The following FRK variants were observed in gnomAD, a reference collection of about 807,000 sequenced individuals.
FRK encodes the protein tyrosine-protein kinase FRK.
A neutral mutation model predicts 56.4 loss-of-function variants in FRK; 51 were observed. The observed-to-expected ratio is 0.90, with a 90% confidence interval of 0.72 to 1.14. The LOEUF is 1.14. Ranked by LOEUF, FRK falls within the 50% of genes most tolerant of loss-of-function variation. FRK has a pLI of 0.00. For missense variants in FRK, 570 were observed against 601.4 expected, an observed-to-expected ratio of 0.95 and a Z score of 0.55; for synonymous variants, 245 against 217.9, an observed-to-expected ratio of 1.12 and a Z score of -1.10.
intron 1 of FRK, among the ~76,000 whole-genome samples, chr6:116,037,871 C>T (rs1776547132): frequency 6.6e-6 from 1 of 152,176 alleles, no homozygotes; most frequent in African/African-American, 2.4e-5. Context: ...ACCTGGGTCT[C>T]ATTCAGGTAG....
At chr6:116,095,953 C>G in the FRK span, among the ~76,000 whole-genome samples, 1 of 152,210 alleles carries the variant, frequency 6.6e-6, no homozygotes, top group Non-Finnish European at 1.5e-5. Flanking sequence ...AACTCTTATA[C>G]CAACCTCTGG....
At chr6:116,017,469 C>T (rs1274124935) in intron 1 of FRK, among the ~76,000 whole-genome samples, 1 of 152,140 alleles carries the variant, frequency 6.6e-6, no homozygotes, top group Non-Finnish European at 1.5e-5. Context: ...AGTCCCTTTC[C>T]ACCAGCTGGA....
the FRK span, among the ~76,000 whole-genome samples, chr6:116,094,537 G>A: frequency 2.6e-5 from 4 of 152,326 alleles, no homozygotes; most frequent in East Asian, 3.9e-4. Context: ...ACATGCTCAC[G>A]CTGCAATATG....
chr6:116,081,750 G>A, the FRK span, among the ~76,000 whole-genome samples: 1 of 151,592 alleles, frequency 6.6e-6, no homozygotes, highest in South Asian at 2.1e-4. Context: ...TGGGTCAACT[G>A]ATATTATTAA....
intron 1 of FRK, among the ~76,000 whole-genome samples, chr6:116,013,600 G>C (rs891320332): frequency 2.0e-5 from 3 of 152,110 alleles, no homozygotes; most frequent in African/African-American, 4.8e-5. Flanking sequence ...TTGATCTTAT[G>C]ATGCCTAGGA....
At chr6:116,099,584 T>C in the FRK span, among the ~76,000 whole-genome samples, 3 of 152,352 alleles carry the variant, frequency 2.0e-5, no homozygotes, top group East Asian at 1.9e-4. Context: ...GATTCTTTAC[T>C]TTTCCTATTC....
At chr6:116,054,246 C>T (rs982580343) in intron 1 of FRK, among the ~76,000 whole-genome samples, 22 of 150,212 alleles carry the variant, frequency 1.5e-4, no homozygotes, top group African/African-American at 5.4e-4. Context: ...TCATAAATAA[C>T]ATATGGTGAA....
At position 116,059,968 on chromosome 6, in the gene FRK, G is replaced by C. The variant is rs61735630; in HGVS notation, c.344C>G (p.Pro115Arg). 1 of 1,612,138 alleles carries C rather than the reference G, an allele frequency of 6.2e-7. No homozygotes were observed. The highest frequency in any genetic ancestry group is 1.1e-5 in the South Asian group (1 of 90,974). ...VAEDRSLQAE[P>R]WFFGAIGRSD... is the part of the protein sequence containing the mutation. ...TTAAGTATAAGTTTGTACTACTCAC[G>C]GCTCTGCCTGTAGGCTTCTGTCCTC... Residue 115 changes from proline (P) to arginine (R), a missense_variant and splice_region_variant, in exon 1 of 8, where the codon CCG becomes CGG. Transcript: ENST00000606080.
intron 1 of FRK, among the ~76,000 whole-genome samples, chr6:116,045,066 C>T (rs1341236665): frequency 6.6e-6 from 1 of 152,116 alleles, no homozygotes; most frequent in Non-Finnish European, 1.5e-5. Context: ...CAAACCACTG[C>T]TCAAGGAAAT....
In FRK at chr6:116,054,399, A is replaced by G. The variant is rs183172667; in HGVS notation, c.344+5569T>C. On this transcript the variant is annotated intron_variant, in intron 1 of 7. Coordinates refer to ENST00000606080, the MANE Select transcript of FRK (RefSeq NM_002031.3). The stretch of plus-strand genomic sequence containing the variant: ...ACAACCATATGTATATTTATAGTGT[A>G]TTTTTTATAAATATAGTATTATTTA... Among the ~76,000 whole-genome samples the G allele has an allele frequency of 2.7e-3, 395 of 146,062 alleles. 2 individuals carry two copies. Among genetic ancestry groups the G allele is most frequent in the African/African-American group, 9.5e-3 (381 of 40,268 alleles).
intron 4 of FRK, among the ~76,000 whole-genome samples, chr6:115,966,042 A>G (rs1275106278): frequency 5.1e-3 from 174 of 34,130 alleles, no homozygotes; most frequent in African/African-American, 0.014. Context: ...CTAAAACTTA[A>G]AGTATAATAA....
chr6:116,043,352 A>G (rs1428963808), intron 1 of FRK, among the ~76,000 whole-genome samples: 1 of 152,282 alleles, frequency 6.6e-6, no homozygotes, highest in East Asian at 1.9e-4. Flanking sequence ...ACACTCCTTA[A>G]CAAATGCAAA....
intron 1 of FRK, among the ~76,000 whole-genome samples, chr6:116,058,039 A>G (rs1427340522): frequency 2.6e-5 from 4 of 152,178 alleles, no homozygotes; most frequent in African/African-American, 9.7e-5. Context: ...AACCCCAGAG[A>G]GTTGCAGATG....
At chr6:115,956,382 TAA>T in intron 5 of FRK, 68 bp downstream of exon 5, 1 of 1,214,744 alleles carries the variant, frequency 8.2e-7, no homozygotes, top group Non-Finnish European at 1.1e-6. Context: ...GAAGGCTTGC[TAA>T]ATTGACACTT....
rs1679847815 is a variant in FRK, at chr6:115,943,192, A to T, written c.1141-7T>A. ...AGATGTCTTCATTATCTACCTGTTC[A>T]TGTATTAAGGAATCAGGCCGAGTTA... On this transcript the variant is annotated splice_polypyrimidine_tract_variant and splice_region_variant and intron_variant, in intron 6 of 7. Transcript: ENST00000606080. The T allele has an allele frequency of 1.9e-6, 3 of 1,589,608 alleles. No homozygotes were observed. In the African/African-American group the frequency reaches 4.1e-5, roughly 22 times the overall value.
chr6:116,074,136 G>C, the FRK span, among the ~76,000 whole-genome samples: 1 of 152,098 alleles, frequency 6.6e-6, no homozygotes, highest in African/African-American at 2.4e-5. Flanking sequence ...CAATGACCTG[G>C]GTCAAGAAGT....
intron 1 of FRK, among the ~76,000 whole-genome samples, chr6:116,016,992 G>A (rs1775682169): frequency 6.6e-6 from 1 of 152,116 alleles, no homozygotes; most frequent in African/African-American, 2.4e-5. Context: ...TATTTGTCAG[G>A]AAACAAAAGG....
chr6:116,059,037 A>G (rs929463158), intron 1 of FRK, among the ~76,000 whole-genome samples: 3 of 152,012 alleles, frequency 2.0e-5, no homozygotes, highest in Non-Finnish European at 4.4e-5. Context: ...AACCCACCAG[A>G]CCCCAAGTAT....
In FRK at chr6:116,060,196, T is replaced by C. The variant is rs779737707; in HGVS notation, c.116A>G (p.Gln39Arg). The C allele has an allele frequency of 1.9e-6, 3 of 1,614,172 alleles. No homozygotes were observed. ...IENPGALCSP[Q>R]SQRHGHYFVA... ...AAAGTAGTGGCCATGCCTCTGTGAC[T>C]GGGGAGAGCAAAGGGCCCCTGGATT... Residue 39 changes from glutamine to arginine, a missense_variant, in exon 1 of 8, where the codon CAG (glutamine) becomes CGG (arginine). Physicochemically the swap from Gln to Arg is conservative, Grantham distance 43 (BLOSUM62 1). Transcript: ENST00000606080.
Sources: allele counts gnomAD v4.1 joint callset (sites outside exome capture counted in the v4.1 genomes callset), GRCh38; gene constraint gnomAD v4.1.1; transcripts MANE v1.5; gene names NCBI Gene and HGNC (gene_info 2026-07-23, HGNC 2026-07-21).